The following CDK13 variants were observed in gnomAD, a reference collection of about 807,000 sequenced individuals.
CDK13 encodes the protein cyclin dependent kinase 13.
CDK13 carries 40 observed loss-of-function variants against 137.6 expected under a neutral mutation model. The ratio of observed to expected loss-of-function variants is 0.29; its 90% CI spans 0.23 to 0.38. The LOEUF is 0.38. CDK13 is among the 10% of genes least tolerant of loss of function. The pLI is 1.00. For missense variants in CDK13, 1,704 were observed against 1,951.8 expected, an observed-to-expected ratio of 0.87 and a Z score of 2.39; for synonymous variants, 869 against 760.1, an observed-to-expected ratio of 1.14 and a Z score of -2.36.
chr7:40,018,529 T>G, intron 5 of CDK13, among the ~76,000 whole-genome samples: 1 of 150,980 alleles, frequency 6.6e-6, no homozygotes. Context: ...AGCTGAGGAG[T>G]GGATAAAGAA....
At chr7:39,994,468 G>A (rs930733882) in intron 2 of CDK13, among the ~76,000 whole-genome samples, 1 of 151,914 alleles carries the variant, frequency 6.6e-6, no homozygotes, top group Non-Finnish European at 1.5e-5. Context: ...CTTAACTGTT[G>A]TAGTGTCTTT....
Position 39,951,157 on chromosome 7 carries a change from G to A in CDK13, c.516G>A (p.Gly172=), listed in dbSNP as rs1263377058. 4.5e-5 allele frequency: 56 copies of A among 1,242,538 alleles called. No homozygotes were observed. The highest frequency in any genetic ancestry group is 5.2e-5 in the Non-Finnish European group (52 of 994,926). The allele number at this position is 1,242,538 out of a possible 1,614,324, so 77.0% of individuals were successfully genotyped here. A position where few individuals can be genotyped will look rare whatever the true frequency, so the allele number is the denominator to read the frequency against. Residue 172 remains glycine (G), a synonymous_variant, in exon 1 of 14, where the codon GGG becomes GGA. Transcript: ENST00000181839. The part of the protein sequence containing the change: ...ASAATAATAA[G]GTGGSGGSPA... ...CGGCAACGGCGGCGACGGCTGCCGG[G>A]GGAACGGGGGGCAGCGGCGGGAGTC...
intron 9 of CDK13, among the ~76,000 whole-genome samples, chr7:40,064,688 C>G (rs1057364879): frequency 3.3e-5 from 5 of 151,820 alleles, no homozygotes; most frequent in African/African-American, 1.2e-4. Flanking sequence ...TGCTTCAACT[C>G]CAAAGCAGCC....
intron 1 of CDK13, among the ~76,000 whole-genome samples, chr7:39,968,747 C>T (rs1020275331): frequency 1.3e-5 from 2 of 152,126 alleles, no homozygotes; most frequent in African/African-American, 2.4e-5. Flanking sequence ...ATACCTCCAG[C>T]CTTGTTCTTT....
intron 12 of CDK13, among the ~76,000 whole-genome samples, chr7:40,088,895 C>T (rs1229027460): frequency 6.6e-6 from 1 of 152,084 alleles, no homozygotes; most frequent in Non-Finnish European, 1.5e-5. Context: ...GCCTGGCCAA[C>T]ATCGCGAAAC....
intron 5 of CDK13, among the ~76,000 whole-genome samples, chr7:40,029,235 T>C (rs1332311048): frequency 1.3e-5 from 2 of 151,794 alleles, no homozygotes; most frequent in African/African-American, 4.8e-5. Context: ...AAGACCAGCC[T>C]GGCCAACATG....
chr7:39,976,323 T>TCTCTCTCTCTCACACACACACACA lies in CDK13; in HGVS notation c.1212-11275_1212-11274insTCTCTCTCTCACACACACACACAC. 3.0e-3 allele frequency among the ~76,000 whole-genome samples: 120 copies of TCTCTCTCTCTCACACACACACACA among 39,510 alleles called. 4 individuals carry two copies. Among genetic ancestry groups the TCTCTCTCTCTCACACACACACACA allele is most frequent in the Middle Eastern group, 0.017 (1 of 58 alleles). 25.9% of individuals were successfully genotyped at this position (39,510 alleles called of 152,430 possible). On this transcript the variant is annotated intron_variant, in intron 1 of 13. Coordinates refer to ENST00000181839, the MANE Select transcript of CDK13 (RefSeq NM_003718.5). ...CTCTCTCTCTCTCTCTCTCTCTCTC[T>TCTCTCTCTCTCACACACACACACA]CACACACACACACACACACACACAC...
At chr7:39,962,163 T>C (rs550291253) in intron 1 of CDK13, among the ~76,000 whole-genome samples, 4 of 152,228 alleles carry the variant, frequency 2.6e-5, no homozygotes, top group Admixed American at 1.3e-4. Flanking sequence ...GTAATGGGAT[T>C]GCTGGGTCAA....
chr7:39,981,167 G>T (rs1253271806), intron 1 of CDK13, among the ~76,000 whole-genome samples: 2 of 152,234 alleles, frequency 1.3e-5, no homozygotes, highest in African/African-American at 4.8e-5. Flanking sequence ...AGGAGTTTGA[G>T]ATCAGCCTGG....
intron 5 of CDK13, among the ~76,000 whole-genome samples, chr7:40,041,325 C>CA (rs570982881): frequency 6.6e-6 from 1 of 151,910 alleles, no homozygotes; most frequent in South Asian, 2.1e-4. Flanking sequence ...GACTCTGTCT[C>CA]AAAAAAACCA....
At chr7:40,025,583 A>G (rs571639831) in intron 5 of CDK13, among the ~76,000 whole-genome samples, 1 of 152,320 alleles carries the variant, frequency 6.6e-6, no homozygotes, top group Admixed American at 6.5e-5. Flanking sequence ...TTAAAAGTTG[A>G]TTGGGCATTT....
rs1183679274 is a variant in CDK13 at position 40,045,974 on chromosome 7, A to G, written c.2492A>G (p.Lys831Arg). The G allele has an allele frequency of 1.9e-6, 3 of 1,611,094 alleles. No homozygotes were observed. The highest frequency in any genetic ancestry group is 2.5e-6 in the Non-Finnish European group (3 of 1,177,562). The change falls in exon 6 of 14, where the codon AAG becomes AGG. Residue 831 changes from lysine (K) to arginine (R), a missense_variant. Coordinates refer to ENST00000181839, the MANE Select transcript of CDK13 (RefSeq NM_003718.5). ...GAGGGTCTGGATTATTGTCATAAGA[A>G]GAACTTTTTGCATAGAGATATTAAA... ...LMEGLDYCHKKNFLHRDIKCS... is the reference protein window; with the variant it reads ...LMEGLDYCHKRNFLHRDIKCS...
chr7:40,048,270 G>GT (rs17496546), intron 7 of CDK13: 176 of 162,626 alleles, frequency 1.1e-3, no homozygotes, highest in African/African-American at 1.8e-3. Flanking sequence ...ACAGTTCTTT[G>GT]TTTTTTTAAC....
At position 40,030,008 on chromosome 7, in the gene CDK13, G is replaced by A. The variant is rs148788630; in HGVS notation, c.2354-15828G>A. 1.8e-3 allele frequency among the ~76,000 whole-genome samples: 275 copies of A among 152,230 alleles called. 4 individuals are homozygous for A. Among genetic ancestry groups the A allele is most frequent in the Non-Finnish European group, 2.7e-3 (186 of 68,006 alleles). On this transcript the variant is annotated intron_variant, in intron 5 of 13. Coordinates refer to ENST00000181839, the MANE Select transcript of CDK13 (RefSeq NM_003718.5). ...ATAAGGACACTCAGGGTCATTTCTTGATTCTATCTGGCTGTCTTTCATTGC... is the reference window on the plus strand; with the variant it reads ...ATAAGGACACTCAGGGTCATTTCTTAATTCTATCTGGCTGTCTTTCATTGC...
chr7:39,991,484 AGTGTGT>A (rs66520870), intron 2 of CDK13, among the ~76,000 whole-genome samples: 11,990 of 143,664 alleles, frequency 0.083, 522 homozygotes, highest in African/African-American at 0.11. Context: ...CATTAGCAAA[AGTGTGT>A]GTGTGTGTGT....
chr7:40,027,682 G>A (rs1785274167), intron 5 of CDK13, among the ~76,000 whole-genome samples: 1 of 131,074 alleles, frequency 7.6e-6, no homozygotes, highest in South Asian at 2.3e-4. Flanking sequence ...TTTTTTTGAG[G>A]ATTCACCTTT....
At chr7:40,074,821 A>G (rs892356666) in intron 9 of CDK13, among the ~76,000 whole-genome samples, 2 of 151,522 alleles carry the variant, frequency 1.3e-5, no homozygotes, top group African/African-American at 4.9e-5. Context: ...CCCTGTGTCT[A>G]TTTAAAAAAA....
chr7:40,031,260 G>A (rs1251573482), intron 5 of CDK13, among the ~76,000 whole-genome samples: 1 of 152,142 alleles, frequency 6.6e-6, no homozygotes, highest in East Asian at 1.9e-4. Flanking sequence ...GGTGGCTCAT[G>A]CCTGTAATCC....
At chr7:39,981,989 T>C (rs10273977) in intron 1 of CDK13, among the ~76,000 whole-genome samples, 2 of 151,236 alleles carry the variant, frequency 1.3e-5, no homozygotes, top group Non-Finnish European at 2.9e-5. Flanking sequence ...GTGTATTTTT[T>C]CTTTTTTCTT....
Sources: gnomAD v4.1 joint callset for allele counts (sites outside exome capture counted in the v4.1 genomes callset) on GRCh38, gnomAD v4.1.1 for gene constraint, MANE v1.5 for transcripts, NCBI Gene and HGNC (gene_info 2026-07-23, HGNC 2026-07-21) for gene names.